Variants in WDR41 observed in about 807,000 individuals in gnomAD.
The protein encoded by WDR41 is WD repeat domain 41.
WDR41 carries 63 observed loss-of-function variants against 69.3 expected under a neutral mutation model. That is an observed-to-expected ratio of 0.91 (90% CI 0.74 to 1.12). The LOEUF is 1.12. WDR41 is among the 50% of genes most tolerant of loss of function. The probability of loss-of-function intolerance (pLI) is 0.00; values close to 1 mark genes in which losing one functional copy is unlikely to be tolerated. For synonymous variants in WDR41, 185 were observed against 192.1 expected (o/e 0.96, Z 0.31); for missense variants, 543 against 534.5 (o/e 1.02, Z -0.16).
intron 1 of WDR41, among the ~76,000 whole-genome samples, chr5:77,612,061 C>T (rs1011869100): frequency 6.6e-5 from 10 of 152,050 alleles, no homozygotes; most frequent in Non-Finnish European, 7.4e-5. Context: ...ATAAATTCCT[C>T]GACATATACA....
chr5:77,502,339 T>C (rs952434780), intron 1 of WDR41, among the ~76,000 whole-genome samples: 2 of 151,514 alleles, frequency 1.3e-5, no homozygotes, highest in Non-Finnish European at 2.9e-5. Context: ...TAAAAAGAAA[T>C]GACCAAAGCC....
chr5:77,531,727 A>G (rs1802531881), intron 1 of WDR41, among the ~76,000 whole-genome samples: 1 of 152,064 alleles, frequency 6.6e-6, no homozygotes, highest in Non-Finnish European at 1.5e-5. Flanking sequence ...ATACATGGTC[A>G]TAGCAGCATT....
intron 1 of WDR41, among the ~76,000 whole-genome samples, chr5:77,609,487 T>G (rs1237022972): frequency 2.0e-5 from 3 of 152,200 alleles, no homozygotes; most frequent in Non-Finnish European, 4.4e-5. Context: ...GACAGCAGCA[T>G]TCACAGTTCA....
chr5:77,587,362 C>G (rs1356771316), intron 1 of WDR41, among the ~76,000 whole-genome samples: 1 of 152,106 alleles, frequency 6.6e-6, no homozygotes, highest in Non-Finnish European at 1.5e-5. Flanking sequence ...GGACATATAT[C>G]TAGGAGTCAA....
chr5:77,618,277 C>T (rs1744713492), intron 1 of WDR41, among the ~76,000 whole-genome samples: 1 of 152,166 alleles, frequency 6.6e-6, no homozygotes, highest in African/African-American at 2.4e-5. Flanking sequence ...GAATAACTTG[C>T]TCTAAATGTC....
chr5:77,558,107 A>AAAAAAAC (rs1743446078), intron 1 of WDR41, among the ~76,000 whole-genome samples: 1 of 148,538 alleles, frequency 6.7e-6, no homozygotes, highest in African/African-American at 2.5e-5. Flanking sequence ...AAAAAAAAAA[A>AAAAAAAC]AAAAAAAAAC....
chr5:77,528,548 T>G (rs1343719710), intron 1 of WDR41, among the ~76,000 whole-genome samples: 1 of 151,664 alleles, frequency 6.6e-6, no homozygotes, highest in African/African-American at 2.4e-5. Context: ...AAAATAAGCT[T>G]AATAGCAAAG....
intron 2 of WDR41, among the ~76,000 whole-genome samples, chr5:77,467,888 C>A (rs947711053): frequency 6.6e-6 from 1 of 151,758 alleles, no homozygotes; most frequent in Non-Finnish European, 1.5e-5. Context: ...AAATAAATTT[C>A]TATATTTTTT....
At chr5:77,605,081 G>A (rs1744391722) in intron 1 of WDR41, among the ~76,000 whole-genome samples, 2 of 152,154 alleles carry the variant, frequency 1.3e-5, no homozygotes, top group African/African-American at 4.8e-5. Flanking sequence ...TATTTTAATT[G>A]TTAACCATTC....
At chr5:77,481,643 G>T (rs140584546) in intron 2 of WDR41, among the ~76,000 whole-genome samples, 250 of 152,036 alleles carry the variant, frequency 1.6e-3, no homozygotes, top group Non-Finnish European at 2.3e-3. Context: ...AAATTAGCTC[G>T]GTGTGGTGGC....
intron 1 of WDR41, among the ~76,000 whole-genome samples, chr5:77,550,495 A>G (rs532948588): frequency 6.6e-6 from 1 of 152,230 alleles, no homozygotes; most frequent in African/African-American, 2.4e-5. Flanking sequence ...TAATGGGAAA[A>G]TGCTCAACAG....
intron 1 of WDR41, among the ~76,000 whole-genome samples, chr5:77,558,939 A>T (rs1187965037): frequency 6.6e-6 from 1 of 152,158 alleles, no homozygotes. Context: ...AAAAAACCTT[A>T]ATTTTTAAAG....
chr5:77,435,375 T>G (rs1798897787), intron 12 of WDR41, among the ~76,000 whole-genome samples: 1 of 152,170 alleles, frequency 6.6e-6, no homozygotes, highest in Non-Finnish European at 1.5e-5. Flanking sequence ...CAGCCTAGGG[T>G]AACAGCCTAT....
chr5:77,485,005 CTAGT>C (rs931665463), intron 2 of WDR41, among the ~76,000 whole-genome samples: 1 of 152,178 alleles, frequency 6.6e-6, no homozygotes, highest in Non-Finnish European at 1.5e-5. Flanking sequence ...GTACAAAGCC[CTAGT>C]TATTTACATC....
chr5:77,524,057 T>C (rs1802411003), intron 1 of WDR41, among the ~76,000 whole-genome samples: 1 of 152,236 alleles, frequency 6.6e-6, no homozygotes, highest in Non-Finnish European at 1.5e-5. Flanking sequence ...TTATAAATTA[T>C]ATTTCAGTCT....
At chr5:77,581,407 T>C (rs1011758489) in intron 1 of WDR41, among the ~76,000 whole-genome samples, 3 of 152,250 alleles carry the variant, frequency 2.0e-5, no homozygotes, top group Non-Finnish European at 4.4e-5. Context: ...CAATTATAAC[T>C]GGAGGTTTCA....
chr5:77,566,742 T>A (rs1743639457), intron 1 of WDR41, among the ~76,000 whole-genome samples: 1 of 152,226 alleles, frequency 6.6e-6, no homozygotes, highest in Middle Eastern at 3.4e-3. Flanking sequence ...AGTGACTTGT[T>A]TTTTATGTTG....
intron 1 of WDR41, among the ~76,000 whole-genome samples, chr5:77,615,547 A>C (rs1744663462): frequency 6.6e-6 from 1 of 152,046 alleles, no homozygotes; most frequent in African/African-American, 2.4e-5. Context: ...AATTTAAAAA[A>C]TTGATGGTTA....
At chr5:77,509,531 G>C (rs1802166809) in intron 1 of WDR41, among the ~76,000 whole-genome samples, 2 of 152,176 alleles carry the variant, frequency 1.3e-5, no homozygotes, top group Admixed American at 1.3e-4. Flanking sequence ...AAGGAATACA[G>C]TACTGACACA....
Sources: gnomAD v4.1 joint callset for allele counts (sites outside exome capture counted in the v4.1 genomes callset) on GRCh38, gnomAD v4.1.1 for gene constraint, MANE v1.5 for transcripts, NCBI Gene and HGNC (gene_info 2026-07-23, HGNC 2026-07-21) for gene names.